Variants in APPBP2 observed in about 807,000 individuals in gnomAD.
APPBP2 encodes amyloid protein-binding protein 2.
A neutral mutation model predicts 76.0 loss-of-function variants in APPBP2; 15 were observed. That is an observed-to-expected ratio of 0.20 (90% CI 0.13 to 0.30). The LOEUF is 0.30. Among genes scored for constraint, APPBP2 ranks in the 10% least tolerant of loss-of-function variants. The probability of loss-of-function intolerance (pLI) is 1.00; values close to 1 mark genes in which losing one functional copy is unlikely to be tolerated. For missense variants in APPBP2, 401 were observed against 687.2 expected (o/e 0.58, Z 4.66); for synonymous variants, 222 against 242.2 (o/e 0.92, Z 0.77).
chr17:60,477,474 A>G (rs1434091740), intron 4 of APPBP2: 3 of 152,156 alleles, frequency 2.0e-5, no homozygotes, highest in Non-Finnish European at 4.4e-5. Flanking sequence ...CTAACCTCCC[A>G]AATCCCATAT....
At position 60,489,308 on chromosome 17, in the gene APPBP2, G is replaced by T. The variant is rs527626272; in HGVS notation, c.379+5158C>A. The stretch of plus-strand genomic sequence containing the variant: ...GCAACCTGTCTTTGGCTACTACAAA[G>T]AATTATTCTAAGATTAAACAGGCCA... On this transcript the variant is annotated intron_variant, in intron 3 of 12. Coordinates refer to ENST00000083182, the MANE Select transcript of APPBP2 (RefSeq NM_006380.5). Among the ~76,000 whole-genome samples the T allele has an allele frequency of 6.1e-5, 9 of 146,920 alleles. No individual in the cohort carries two copies. The South Asian group carries it at 1.7e-3, about 29-fold the overall frequency.
chr17:60,451,893 T>A lies in APPBP2; in HGVS notation c.1491A>T (p.Arg497=). Reference sequence around the variant, plus strand: ...AATGTAACATACCAATTGCTATAGATCGCAAATAAAGTTTCTCAGCATTTT... The same window carrying A: ...AATGTAACATACCAATTGCTATAGAACGCAAATAAAGTTTCTCAGCATTTT... ...QYENAEKLYL[R]SIAIGKKLFG... The change falls in exon 12 of 13, where the codon CGA becomes CGT. Residue 497 remains arginine (R), a synonymous_variant. Coordinates refer to ENST00000083182, the MANE Select transcript of APPBP2 (RefSeq NM_006380.5). 6.2e-7 allele frequency: 1 copy of A among 1,607,398 alleles called. No individual in the cohort carries two copies. Among genetic ancestry groups the A allele is most frequent in the Middle Eastern group, 1.7e-4 (1 of 6,012 alleles).
At chr17:60,456,470 G>T in intron 9 of APPBP2, 89 bp from the exon 10 acceptor site, 1 of 838,098 alleles carries the variant, frequency 1.2e-6, no homozygotes, top group Non-Finnish European at 2.0e-6. Context: ...ATATAATATT[G>T]ATAGAAAGTA....
intron 3 of APPBP2, among the ~76,000 whole-genome samples, chr17:60,487,380 CTTTG>C (rs143460452): frequency 0.082 from 12,435 of 152,080 alleles, 1,671 homozygotes; most frequent in African/African-American, 0.28. Context: ...TTCTTGGAGG[CTTTG>C]TTTGTTTCTT....
chr17:60,463,950 A>G, intron 6 of APPBP2, 71 bp downstream of exon 6: 4 of 1,059,524 alleles, frequency 3.8e-6, no homozygotes, highest in Non-Finnish European at 5.5e-6. Flanking sequence ...GTTAAATAAC[A>G]GGTTAATTAA....
chr17:60,450,437 CAAAAAAAAA>C (rs374410554), intron 12 of APPBP2, among the ~76,000 whole-genome samples: 1 of 114,804 alleles, frequency 8.7e-6, no homozygotes, highest in African/African-American at 3.2e-5. Context: ...GACTCCCTCT[CAAAAAAAAA>C]AAAAAAGAAA....
At chr17:60,513,139 A>C (rs1405944674) in intron 1 of APPBP2, 1 of 296,922 alleles carries the variant, frequency 3.4e-6, no homozygotes, top group Non-Finnish European at 6.3e-6. Context: ...GAAGGTGTCC[A>C]GAAGAATTTC....
chr17:60,518,546 G>T (rs1340619025), intron 1 of APPBP2, among the ~76,000 whole-genome samples: 1 of 151,692 alleles, frequency 6.6e-6, no homozygotes, highest in East Asian at 1.9e-4. Flanking sequence ...GAGAGACAGG[G>T]TCTCACTCTG....
At chr17:60,473,630 C>T (rs2090569044) in intron 4 of APPBP2, among the ~76,000 whole-genome samples, 1 of 152,168 alleles carries the variant, frequency 6.6e-6, no homozygotes, top group African/African-American at 2.4e-5. Flanking sequence ...GCCTGGGCAA[C>T]ATACTGAGGT....
intron 12 of APPBP2, among the ~76,000 whole-genome samples, chr17:60,449,560 C>A (rs1410126024): frequency 6.6e-6 from 1 of 152,126 alleles, no homozygotes; most frequent in Non-Finnish European, 1.5e-5. Context: ...CACGCCACTG[C>A]ATACCAGCCT....
rs147070474 is a variant in APPBP2, at chr17:60,486,819, C to T, written c.380-7548G>A. Among the ~76,000 whole-genome samples, 20 of 152,298 alleles carry T rather than the reference C, an allele frequency of 1.3e-4. No homozygotes were observed. The East Asian group carries it at 3.9e-3, about 29-fold the overall frequency. On this transcript the variant is annotated intron_variant, in intron 3 of 12. Coordinates refer to ENST00000083182, the MANE Select transcript of APPBP2 (RefSeq NM_006380.5). The stretch of plus-strand genomic sequence containing the variant: ...GTCTTTACAATTTTGCATGTTTTTG[C>T]AGTGGCTGGTACCGGTTGTTCCTTT...
At chr17:60,513,950 CT>C (rs1273346242) in intron 1 of APPBP2, among the ~76,000 whole-genome samples, 1 of 150,646 alleles carries the variant, frequency 6.6e-6, no homozygotes, top group African/African-American at 2.4e-5. Flanking sequence ...TTGTGTTCCC[CT>C]ATATTCTTCT....
chr17:60,513,009 A>G (rs2090929506), intron 1 of APPBP2, among the ~76,000 whole-genome samples: 1 of 146,252 alleles, frequency 6.8e-6, no homozygotes, highest in South Asian at 2.1e-4. Context: ...GGAACGCTAC[A>G]TGGTCGCATC....
In APPBP2 at chr17:60,490,189, C is replaced by T. The variant is rs192306125; in HGVS notation, c.379+4277G>A. On this transcript the variant is annotated intron_variant, in intron 3 of 12. Coordinates refer to ENST00000083182, the MANE Select transcript of APPBP2 (RefSeq NM_006380.5). ...ACACACATACAAACAAATGAGTGCA[C>T]GTAAAAACTGGTGAAAACTAAGTAA... Among the ~76,000 whole-genome samples the T allele has an allele frequency of 2.8e-3, 421 of 152,188 alleles. 2 individuals carry two copies. The highest frequency in any genetic ancestry group is 6.8e-3 in the Middle Eastern group (2 of 294).
At chr17:60,514,693 C>CAAGT (rs3069307) in intron 1 of APPBP2, among the ~76,000 whole-genome samples, 12,466 of 152,186 alleles carry the variant, frequency 0.082, 1,677 homozygotes, top group African/African-American at 0.28. Flanking sequence ...ACACATTCAA[C>CAAGT]AAGTATTCCT....
intron 6 of APPBP2, 43 bp from the exon 7 acceptor site, chr17:60,462,104 T>A (rs375531907): frequency 1.4e-6 from 2 of 1,461,092 alleles, no homozygotes; most frequent in Non-Finnish European, 9.6e-7. Flanking sequence ...AACAGTTCAT[T>A]AGTGTGCTAA....
At chr17:60,473,563 C>T (rs1303119234) in intron 4 of APPBP2, among the ~76,000 whole-genome samples, 1 of 151,948 alleles carries the variant, frequency 6.6e-6, no homozygotes, top group Non-Finnish European at 1.5e-5. Flanking sequence ...GCCTGTAAGC[C>T]CAGTATTTTG....
intron 5 of APPBP2, among the ~76,000 whole-genome samples, chr17:60,465,612 TA>T (rs1567922372): frequency 6.6e-6 from 1 of 152,122 alleles, no homozygotes; most frequent in Non-Finnish European, 1.5e-5. Context: ...CTCATGCCTG[TA>T]ATCCCAGCAC....
intron 3 of APPBP2, among the ~76,000 whole-genome samples, chr17:60,492,371 C>A (rs1444960097): frequency 6.6e-6 from 1 of 152,168 alleles, no homozygotes; most frequent in Non-Finnish European, 1.5e-5. Flanking sequence ...GAGAAGAGGG[C>A]CACTGTGCTC....
Sources: allele counts gnomAD v4.1 joint callset (sites outside exome capture counted in the v4.1 genomes callset), GRCh38; gene constraint gnomAD v4.1.1; transcripts MANE v1.5; gene names NCBI Gene and HGNC (gene_info 2026-07-23, HGNC 2026-07-21).